Variants in PTPN9 observed in about 807,000 individuals in gnomAD.
The protein encoded by PTPN9 is tyrosine-protein phosphatase non-receptor type 9.
PTPN9 carries 26 observed loss-of-function variants against 69.8 expected under a neutral mutation model. That is an observed-to-expected ratio of 0.37 (90% CI 0.27 to 0.52). The LOEUF is 0.52. PTPN9 is among the 20% of genes least tolerant of loss of function. The pLI is 0.91. For synonymous variants in PTPN9, 274 were observed against 272.5 expected (o/e 1.01, Z -0.05); for missense variants, 549 against 740.3 (o/e 0.74, Z 3.00).
At chr15:75,507,911 C>T (rs371646032) in intron 6 of PTPN9, among the ~76,000 whole-genome samples, 4 of 151,624 alleles carry the variant, frequency 2.6e-5, no homozygotes, top group African/African-American at 7.3e-5. Flanking sequence ...GGTGTGGTAG[C>T]GTGCGCCTGT....
At chr15:75,536,430 T>C (rs1475847882) in intron 1 of PTPN9, among the ~76,000 whole-genome samples, 1 of 152,032 alleles carries the variant, frequency 6.6e-6, no homozygotes, top group East Asian at 1.9e-4. Context: ...TCTAGGAAGG[T>C]TCTATGAACA....
At chr15:75,571,732 T>G (rs1437816735) in intron 1 of PTPN9, among the ~76,000 whole-genome samples, 1 of 151,920 alleles carries the variant, frequency 6.6e-6, no homozygotes, top group East Asian at 1.9e-4. Context: ...CCATCTCTAC[T>G]AAAATATAAA....
chr15:75,514,169 CT>C lies in PTPN9; in HGVS notation c.528+3089del, dbSNP rs923109510. Among the ~76,000 whole-genome samples, 833 of 141,800 alleles carry C rather than the reference CT, an allele frequency of 5.9e-3. 5 individuals carry two copies. Among genetic ancestry groups the C allele is most frequent in the African/African-American group, 0.018 (689 of 39,006 alleles). 93.0% of individuals were successfully genotyped at this position (141,800 alleles called of 152,430 possible). The stretch of plus-strand genomic sequence containing the variant: ...CTAGAAGATACTAGCTACAATTCCT[CT>C]TTTTTTTTTTTTCTTTTGGATTTCT... On this transcript the variant is annotated intron_variant, in intron 5 of 12. Coordinates refer to ENST00000618819, the MANE Select transcript of PTPN9 (RefSeq NM_002833.4).
chr15:75,479,379 C>T (rs1043288607), intron 9 of PTPN9, among the ~76,000 whole-genome samples: 5 of 152,168 alleles, frequency 3.3e-5, no homozygotes, highest in African/African-American at 1.2e-4. Flanking sequence ...CACATACTAT[C>T]TATGTCAGAA....
intron 1 of PTPN9, among the ~76,000 whole-genome samples, chr15:75,567,880 C>T (rs935517794): frequency 2.6e-5 from 4 of 151,656 alleles, no homozygotes; most frequent in African/African-American, 7.3e-5. Context: ...CCTGTAGTCC[C>T]AGCTACTCAG....
At chr15:75,577,970 C>T (rs2075181329) in intron 1 of PTPN9, among the ~76,000 whole-genome samples, 1 of 152,084 alleles carries the variant, frequency 6.6e-6, no homozygotes. Flanking sequence ...CAAGGGCCCC[C>T]AAAATGAGAC....
At chr15:75,577,178 T>C (rs1160456180) in intron 1 of PTPN9, among the ~76,000 whole-genome samples, 1 of 152,226 alleles carries the variant, frequency 6.6e-6, no homozygotes, top group Non-Finnish European at 1.5e-5. Flanking sequence ...GTCAATACTA[T>C]CAATACTTTA....
intron 5 of PTPN9, among the ~76,000 whole-genome samples, chr15:75,516,122 T>A (rs2074868205): frequency 6.6e-6 from 1 of 151,982 alleles, no homozygotes; most frequent in African/African-American, 2.4e-5. Context: ...AAAACATGTT[T>A]AAGAATGTTC....
chr15:75,500,905 T>A (rs1342576227), intron 7 of PTPN9, among the ~76,000 whole-genome samples: 1 of 151,218 alleles, frequency 6.6e-6, no homozygotes, highest in Non-Finnish European at 1.5e-5. Flanking sequence ...ATAATAATAA[T>A]AAAATAATAA....
At chr15:75,516,785 G>A (rs1368359369) in intron 5 of PTPN9, among the ~76,000 whole-genome samples, 3 of 119,814 alleles carry the variant, frequency 2.5e-5, no homozygotes, top group East Asian at 2.5e-4. Flanking sequence ...TCGCTCTGTC[G>A]CCAGGCTGGA....
intron 1 of PTPN9, among the ~76,000 whole-genome samples, chr15:75,574,320 T>A (rs555434402): frequency 6.7e-6 from 1 of 149,632 alleles, no homozygotes; most frequent in East Asian, 2.0e-4. Context: ...CAGAAGCCAC[T>A]AAAGAGTTTT....
intron 1 of PTPN9, among the ~76,000 whole-genome samples, chr15:75,562,609 A>C (rs921229324): frequency 2.6e-5 from 4 of 152,080 alleles, no homozygotes; most frequent in African/African-American, 4.8e-5. Context: ...AGGCGGGTGG[A>C]TCACGAGGTC....
chr15:75,547,031 C>T (rs1381008498), intron 1 of PTPN9, among the ~76,000 whole-genome samples: 1 of 151,960 alleles, frequency 6.6e-6, no homozygotes, highest in Non-Finnish European at 1.5e-5. Flanking sequence ...CACGGTGGCT[C>T]ATGCCTGTAA....
At chr15:75,557,704 T>C (rs574450153) in intron 1 of PTPN9, among the ~76,000 whole-genome samples, 2 of 152,336 alleles carry the variant, frequency 1.3e-5, no homozygotes, top group East Asian at 3.9e-4. Flanking sequence ...CTATTATTAT[T>C]ATCACAAGTT....
intron 1 of PTPN9, among the ~76,000 whole-genome samples, chr15:75,556,670 C>A (rs1022139161): frequency 6.6e-6 from 1 of 152,174 alleles, no homozygotes; most frequent in African/African-American, 2.4e-5. Flanking sequence ...AGCCACCACA[C>A]CTGGCCGCAT....
intron 1 of PTPN9, among the ~76,000 whole-genome samples, chr15:75,529,147 T>C (rs966395840): frequency 6.6e-6 from 1 of 151,900 alleles, no homozygotes; most frequent in Non-Finnish European, 1.5e-5. Flanking sequence ...CCACCACGCC[T>C]GGCTAATTTT....
chr15:75,488,606 A>C (rs1595950351), intron 8 of PTPN9, among the ~76,000 whole-genome samples: 1 of 151,440 alleles, frequency 6.6e-6, no homozygotes, highest in Admixed American at 6.6e-5. Context: ...TAGGCAACAC[A>C]GCGAGACCCT....
intron 9 of PTPN9, among the ~76,000 whole-genome samples, chr15:75,477,809 C>T (rs946909874): frequency 1.3e-5 from 2 of 150,638 alleles, no homozygotes; most frequent in African/African-American, 4.9e-5. Flanking sequence ...TTTTTTCTCC[C>T]AGTTGAGGAT....
Position 75,465,367 on chromosome 15 carries a change from G to GT in PTPN9, c.*3401dup, listed in dbSNP as rs2074532738. 1 of 152,192 alleles carries GT rather than the reference G, an allele frequency of 6.6e-6. No homozygotes were observed. The highest frequency in any genetic ancestry group is 1.5e-5 in the Non-Finnish European group (1 of 68,080). The allele number at this position is 152,192 out of a possible 1,614,324, so 9.4% of individuals were successfully genotyped here. ...GATCTGCCCACCTCGGCCTTCCAAA[G>GT]TACTGGGATTACAGGCATAAAGCCA... is the stretch of plus-strand genomic sequence containing the variant. On this transcript the variant is annotated 3_prime_UTR_variant, in exon 13 of 13. Transcript: ENST00000618819.
Sources: allele counts gnomAD v4.1 joint callset (sites outside exome capture counted in the v4.1 genomes callset), GRCh38; gene constraint gnomAD v4.1.1; transcripts MANE v1.5; gene names NCBI Gene and HGNC (gene_info 2026-07-23, HGNC 2026-07-21).